The following MGAM2 variants were observed in gnomAD, a reference collection of about 807,000 sequenced individuals.
MGAM2 encodes the protein maltase-glucoamylase 2 (putative).
Under a neutral mutation model 96.1 loss-of-function variants are expected in MGAM2, and 98 were observed. The observed-to-expected ratio is 1.02, with a 90% confidence interval of 0.87 to 1.21. MGAM2 has a LOEUF of 1.21. Among genes scored for constraint, MGAM2 ranks in the 50% most tolerant of loss-of-function variants. The pLI is 0.00. For synonymous variants in MGAM2, 749 were observed against 414.8 expected (o/e 1.81, Z -9.79); for missense variants, 2,055 against 1,182.4 (o/e 1.74, Z -10.82).
intron 3 of MGAM2, among the ~76,000 whole-genome samples, chr7:142,124,765 T>A (rs1045324903): frequency 6.6e-6 from 1 of 152,170 alleles, no homozygotes; most frequent in African/African-American, 2.4e-5. Flanking sequence ...ATTTTTGATA[T>A]AGAGCTTTTG....
At chr7:142,216,924 C>T (rs142095952) in intron 46 of MGAM2, among the ~76,000 whole-genome samples, 17 of 152,292 alleles carry the variant, frequency 1.1e-4, no homozygotes, top group Admixed American at 2.0e-4. Context: ...ACTGGCCTCA[C>T]GTCTCTGTTT....
intron 4 of MGAM2, 82 bp from the exon 5 acceptor site, chr7:142,131,436 C>CAAAACA (rs367703011): frequency 0.11 from 72,049 of 660,824 alleles, 4,753 homozygotes; most frequent in Admixed American, 0.19. Context: ...GACTCCATCT[C>CAAAACA]AAAACAAAAA....
At chr7:142,216,882 T>C (rs1797777150) in intron 46 of MGAM2, among the ~76,000 whole-genome samples, 1 of 152,208 alleles carries the variant, frequency 6.6e-6, no homozygotes, top group East Asian at 1.9e-4. Context: ...GATTATTGCA[T>C]GTAATCTTCA....
intron 23 of MGAM2, among the ~76,000 whole-genome samples, chr7:142,163,880 A>C (rs1007270157): frequency 2.0e-5 from 3 of 152,138 alleles, no homozygotes; most frequent in African/African-American, 7.2e-5. Flanking sequence ...TTTACCATCT[A>C]TATATTTACA....
rs976260042 is a variant in MGAM2 at position 142,137,473 on chromosome 7, G to A, written c.888G>A (p.Thr296=). The A allele has an allele frequency of 1.7e-5, 12 of 701,950 alleles. No homozygotes were observed. Among genetic ancestry groups the A allele is most frequent in the South Asian group, 7.4e-5 (5 of 67,528 alleles). 43.5% of individuals were successfully genotyped at this position (701,950 alleles called of 1,614,324 possible). ...LQPAPAITYR[T]IGGILDFYVF... ...CAGCTCCTGCGATCACTTATCGCAC[G>A]ATTGGAGGCATTCTTGACTTTTACG... Residue 296 remains threonine (T), a synonymous_variant, in exon 9 of 48, where the codon ACG becomes ACA. Coordinates refer to ENST00000477922, the MANE Select transcript of MGAM2 (RefSeq NM_001293626.2).
intron 47 of MGAM2, among the ~76,000 whole-genome samples, chr7:142,219,607 T>C (rs1246033684): frequency 6.6e-6 from 1 of 152,166 alleles, no homozygotes; most frequent in Non-Finnish European, 1.5e-5. Context: ...TAATCACAGC[T>C]ACAAATATTT....
At position 142,172,124 on chromosome 7, in the gene MGAM2, C is replaced by A. The variant is rs777092898; in HGVS notation, c.3378C>A (p.His1126Gln). The change falls in exon 29 of 48, where the codon CAC becomes CAA. Residue 1126 changes from histidine (H) to glutamine (Q), a missense_variant. His to Gln is a conservative substitution (Grantham distance 24). Transcript: ENST00000477922. Reference protein sequence around the residue: ...PAYKKNSYGVHPYYMALEEDG... With the variant: ...PAYKKNSYGVQPYYMALEEDG... ...ACAAGAAGAATTCCTATGGTGTCCA[C>A]CCTTACTACATGGCACTGGAGGAGG... The A allele has an allele frequency of 5.4e-6, 4 of 735,382 alleles. 1 individual carries two copies. In the South Asian group the frequency reaches 5.8e-5, roughly 11 times the overall value. 45.6% of individuals were successfully genotyped at this position (735,382 alleles called of 1,614,324 possible).
At chr7:142,116,461 C>T (rs1037817388) in intron 1 of MGAM2, among the ~76,000 whole-genome samples, 1 of 152,196 alleles carries the variant, frequency 6.6e-6, no homozygotes, top group Non-Finnish European at 1.5e-5. Flanking sequence ...TCCAGTTTTG[C>T]TACTTTCTCT....
chr7:142,166,042 C>A, intron 24 of MGAM2, 56 bp from the exon 25 acceptor site: 2 of 617,580 alleles, frequency 3.2e-6, no homozygotes, highest in South Asian at 2.0e-5. Flanking sequence ...GCCAAGAACT[C>A]TTTCTGGGTG....
In MGAM2 at chr7:142,159,884, T is replaced by C. The variant is rs184196612; in HGVS notation, c.2221-250T>C. Among the ~76,000 whole-genome samples the C allele has an allele frequency of 2.0e-5, 3 of 152,352 alleles. No individual in the cohort carries two copies. The East Asian group carries it at 5.8e-4, about 29-fold the overall frequency. ...GCTATCAAGACTGGGCTTTGTCATT[T>C]GGCTGTGGTAGCCTAGCAATTGAAG... On this transcript the variant is annotated intron_variant, in intron 20 of 47. Transcript: ENST00000477922.
intron 23 of MGAM2, among the ~76,000 whole-genome samples, chr7:142,163,148 G>T (rs574575145): frequency 6.6e-6 from 1 of 152,278 alleles, no homozygotes; most frequent in South Asian, 2.1e-4. Flanking sequence ...GGTGTTCCAA[G>T]TTATGGAACC....
Position 142,219,975 on chromosome 7 carries a change from A to C in MGAM2, c.5464A>C (p.Thr1822Pro), listed in dbSNP as rs1261332093. 1.4e-6 allele frequency: 1 copy of C among 702,934 alleles called. No homozygotes were observed. The highest frequency in any genetic ancestry group is 1.5e-5 in the South Asian group (1 of 67,598). The allele number at this position is 702,934 out of a possible 1,614,324, so 43.5% of individuals were successfully genotyped here. Reference protein sequence around the residue: ...PVLPTPTKTSTIPMSSHPSPS... With the variant: ...PVLPTPTKTSPIPMSSHPSPS... Reference sequence around the variant, plus strand: ...ACTTCCTACTCCAACTAAGACAAGTACCATCCCAATGAGTTCTCATCCTTC... The same window carrying C: ...ACTTCCTACTCCAACTAAGACAAGTCCCATCCCAATGAGTTCTCATCCTTC... Residue 1822 changes from threonine to proline, a missense_variant, in exon 48 of 48, where the codon ACC (threonine) becomes CCC (proline). Physicochemically the swap from Thr to Pro is conservative, Grantham distance 38. Coordinates refer to ENST00000477922, the MANE Select transcript of MGAM2 (RefSeq NM_001293626.2).
chr7:142,135,163 A>T (rs1222155590), intron 7 of MGAM2, among the ~76,000 whole-genome samples: 3 of 152,232 alleles, frequency 2.0e-5, no homozygotes, highest in African/African-American at 7.2e-5. Flanking sequence ...CGTATTTGGC[A>T]GGAGATGAAC....
chr7:142,140,779 G>T, intron 10 of MGAM2, 23 bp from the exon 11 acceptor site: 1 of 698,080 alleles, frequency 1.4e-6, no homozygotes, highest in Non-Finnish European at 2.6e-6. Flanking sequence ...CCTAGGTTCT[G>T]ATTGACCAGA....
chr7:142,115,780 T>C (rs28582309), intron 1 of MGAM2, among the ~76,000 whole-genome samples: 60,272 of 151,982 alleles, frequency 0.4, 12,240 homozygotes, highest in South Asian at 0.47. Flanking sequence ...AGGAGGCAGA[T>C]GTTTCGGTGA....
intron 1 of MGAM2, among the ~76,000 whole-genome samples, chr7:142,113,310 G>A (rs1165322748): frequency 6.6e-6 from 1 of 152,092 alleles, no homozygotes; most frequent in Non-Finnish European, 1.5e-5. Context: ...GAGCAGCTGG[G>A]GTTAGGACGT....
rs766289494 is a variant in MGAM2, at chr7:142,138,667, T to C, written c.1086T>C (p.Tyr362=). Residue 362 remains tyrosine (Y), a splice_region_variant and synonymous_variant, in exon 10 of 48, where the codon TAT becomes TAC. Coordinates refer to ENST00000477922, the MANE Select transcript of MGAM2 (RefSeq NM_001293626.2). Reference sequence around the variant, plus strand: ...GAAATCGTTTAGCTGAGATACCATATGTAAGTCGAAACTTCTTTTACCATG... The same window carrying C: ...GAAATCGTTTAGCTGAGATACCATACGTAAGTCGAAACTTCTTTTACCATG... The part of the protein sequence containing the change: ...VSRNRLAEIP[Y]DVQYSDIDYM... 2 of 701,204 alleles carry C rather than the reference T, an allele frequency of 2.9e-6. No individual in the cohort carries two copies. Among genetic ancestry groups the C allele is most frequent in the Non-Finnish European group, 5.2e-6 (2 of 384,418 alleles). The allele number at this position is 701,204 out of a possible 1,614,324, so 43.4% of individuals were successfully genotyped here.
At chr7:142,202,237 G>A (rs774526748) in intron 45 of MGAM2, among the ~76,000 whole-genome samples, 19 of 152,156 alleles carry the variant, frequency 1.2e-4, no homozygotes, top group Non-Finnish European at 1.8e-4. Context: ...GGTATCCATA[G>A]GCGGTTGGTT....
At chr7:142,116,502 T>A (rs1254172976) in intron 1 of MGAM2, among the ~76,000 whole-genome samples, 2 of 152,198 alleles carry the variant, frequency 1.3e-5, no homozygotes, top group South Asian at 4.1e-4. Context: ...GTCTACTACA[T>A]TAGGTGGATG....
Sources: gnomAD v4.1 joint callset for allele counts (sites outside exome capture counted in the v4.1 genomes callset) on GRCh38, gnomAD v4.1.1 for gene constraint, MANE v1.5 for transcripts, NCBI Gene and HGNC (gene_info 2026-07-23, HGNC 2026-07-21) for gene names.